ZBTB37: variants seen among roughly 807,000 people sequenced by gnomAD.
ZBTB37 encodes the protein zinc finger and BTB domain-containing protein 37.
Under a neutral mutation model 37.7 loss-of-function variants are expected in ZBTB37, and 15 were observed. The observed-to-expected ratio is 0.40, with a 90% CI of 0.27 to 0.61. The LOEUF (loss-of-function observed/expected upper bound fraction) is 0.61, where lower values mean the gene tolerates loss of function less well. ZBTB37 is among the 20% of genes least tolerant of loss of function. The pLI, the probability that ZBTB37 is intolerant of heterozygous loss-of-function variation, is 0.44. For synonymous variants in ZBTB37, 231 were observed against 220.6 expected, an observed-to-expected ratio of 1.05 and a Z score of -0.42; for missense variants, 514 against 641.9, an observed-to-expected ratio of 0.80 and a Z score of 2.15.
rs528651069 is a variant in ZBTB37 at position 173,874,444 on chromosome 1, G to A, written c.1023+878G>A. Among the ~76,000 whole-genome samples the A allele has an allele frequency of 2.4e-3, 361 of 150,864 alleles. 2 individuals are homozygous for A. Among genetic ancestry groups the A allele is most frequent in the African/African-American group, 8.0e-3 (330 of 41,048 alleles). ...CGGCTCACTGCAAGCTCCACCTCCC[G>A]GGTTCACGCCATTCTCCTGCCTCAG... On this transcript the variant is annotated intron_variant, in intron 4 of 4. Transcript: ENST00000427304.
exon 4 of ZBTB37, chr1:173,901,004 A>C (rs184011430): frequency 6.6e-6 from 1 of 152,332 alleles, no homozygotes; most frequent in East Asian, 1.9e-4. Context: ...AGTAATGATA[A>C]AAGATAAATA....
downstream of ZBTB37, chr1:173,889,794 A>G (rs1377297173): frequency 6.6e-6 from 1 of 152,224 alleles, no homozygotes; most frequent in East Asian, 1.9e-4. Context: ...TCTAATCTCA[A>G]ATACATAAAG....
intron 4 of ZBTB37, among the ~76,000 whole-genome samples, chr1:173,885,075 A>C (rs1032890143): frequency 1.3e-5 from 2 of 152,182 alleles, no homozygotes; most frequent in Non-Finnish European, 2.9e-5. Flanking sequence ...CTCTGCAAAA[A>C]GTACAAAAAT....
At chr1:173,901,399 CT>C (rs3053950) in exon 4 of ZBTB37, 2,519 of 121,728 alleles carry the variant, frequency 0.021, 15 homozygotes, top group Middle Eastern at 0.053. Context: ...AAAGTTAGAA[CT>C]TTTTTTTTTT....
At chr1:173,871,208 T>C in intron 3 of ZBTB37, 60 bp downstream of exon 3, 2 of 1,456,146 alleles carry the variant, frequency 1.4e-6, no homozygotes, top group Non-Finnish European at 1.8e-6. Flanking sequence ...ATCACTAAAG[T>C]GTCCTCTGTA....
At chr1:173,880,683 G>T (rs1656245624) in intron 4 of ZBTB37, among the ~76,000 whole-genome samples, 1 of 152,154 alleles carries the variant, frequency 6.6e-6, no homozygotes, top group Non-Finnish European at 1.5e-5. Flanking sequence ...CATGAGGCTA[G>T]CCGTTTTTGC....
chr1:173,870,492 A>G (rs368152384), exon 3 of ZBTB37: 183 of 1,614,112 alleles, frequency 1.1e-4, no homozygotes, highest in South Asian at 1.4e-4. Context: ...TCTGTTACAC[A>G]GGGCGGATAT....
rs531515926 is a variant in ZBTB37 at position 173,871,655 on chromosome 1, G to A, written c.923+507G>A. ...AAATTAGTAAAATAGTAATTCTGAA[G>A]AAAAGCGTTATGGATATTTTTCATC... On this transcript the variant is annotated intron_variant, in intron 3 of 4. Transcript: ENST00000427304. Among the ~76,000 whole-genome samples, 25 of 152,348 alleles carry A rather than the reference G, an allele frequency of 1.6e-4. No homozygotes were observed. In the East Asian group the frequency reaches 4.4e-3, roughly 27 times the overall value.
exon 4 of ZBTB37, chr1:173,897,448 G>C (rs1657093006): frequency 6.6e-6 from 1 of 152,180 alleles, no homozygotes; most frequent in Non-Finnish European, 1.5e-5. Flanking sequence ...CAAAAGGAGG[G>C]ACCTCAAAAA....
chr1:173,880,651 A>G (rs985391512), intron 4 of ZBTB37, among the ~76,000 whole-genome samples: 3 of 152,212 alleles, frequency 2.0e-5, no homozygotes, highest in African/African-American at 7.2e-5. Flanking sequence ...GAAATAATCC[A>G]CCTCTTGACA....
downstream of ZBTB37, chr1:173,890,661 T>C (rs143561798): frequency 3.9e-5 from 6 of 152,294 alleles, no homozygotes; most frequent in Non-Finnish European, 8.8e-5. Context: ...CTCAGCAAAA[T>C]ATACCCTTAG....
intron 4 of ZBTB37, among the ~76,000 whole-genome samples, chr1:173,881,947 A>T (rs898376489): frequency 6.6e-6 from 1 of 151,622 alleles, no homozygotes; most frequent in Non-Finnish European, 1.5e-5. Flanking sequence ...CCAGCTACTC[A>T]GGAGGCTAAG....
chr1:173,898,949 G>A (rs1657156820), exon 4 of ZBTB37: 2 of 152,210 alleles, frequency 1.3e-5, no homozygotes, highest in Admixed American at 1.3e-4. Flanking sequence ...TGAAATGAGA[G>A]AGTGACCCAT....
chr1:173,884,725 A>G (rs746324686), intron 4 of ZBTB37, among the ~76,000 whole-genome samples: 35 of 152,398 alleles, frequency 2.3e-4, no homozygotes, highest in Admixed American at 3.9e-4. Context: ...CACAATTTAT[A>G]ATATGTTGCC....
chr1:173,881,773 G>A (rs1012948313), intron 4 of ZBTB37, among the ~76,000 whole-genome samples: 14 of 151,936 alleles, frequency 9.2e-5, no homozygotes, highest in African/African-American at 2.7e-4. Flanking sequence ...GTGTCTGTTC[G>A]GCCGGGCGTG....
intron 2 of ZBTB37, among the ~76,000 whole-genome samples, chr1:173,869,596 C>T (rs1655368992): frequency 6.6e-6 from 1 of 152,154 alleles, no homozygotes. Context: ...CCTGGCACAG[C>T]TGTGGGATTT....
chr1:173,870,745 C>G (rs150134837), exon 3 of ZBTB37: 1 of 1,614,082 alleles, frequency 6.2e-7, no homozygotes, highest in African/African-American at 1.3e-5. Flanking sequence ...AAAGGGAAAC[C>G]GGCGAGGTCA....
At chr1:173,881,790 C>G (rs748914029) in intron 4 of ZBTB37, among the ~76,000 whole-genome samples, 7 of 152,104 alleles carry the variant, frequency 4.6e-5, no homozygotes, top group Non-Finnish European at 7.4e-5. Context: ...CGTGGTGGCT[C>G]ACACCTGCAA....
chr1:173,882,300 G>A (rs113522345), intron 4 of ZBTB37, among the ~76,000 whole-genome samples: 18,235 of 137,836 alleles, frequency 0.13, 1,314 homozygotes, highest in East Asian at 0.24. Context: ...GGAGTGCAGT[G>A]GCGCAATCTC....
Sources: allele counts gnomAD v4.1 joint callset (sites outside exome capture counted in the v4.1 genomes callset), GRCh38; gene constraint gnomAD v4.1.1; transcripts MANE v1.5; gene names NCBI Gene and HGNC (gene_info 2026-07-23, HGNC 2026-07-21).